The following CLIC5 variants were observed in gnomAD, a reference collection of about 807,000 sequenced individuals.
CLIC5 encodes the protein chloride intracellular channel protein 5.
In CLIC5, 20 loss-of-function variants were observed where a neutral mutation model predicts 24.7. That is an observed-to-expected ratio of 0.81 (90% CI 0.57 to 1.18). CLIC5 has a LOEUF of 1.18. Ranked by LOEUF, CLIC5 falls within the 50% of genes most tolerant of loss-of-function variation. CLIC5 has a pLI of 0.00. For synonymous variants in CLIC5, 159 were observed against 135.6 expected (o/e 1.17, Z -1.20); for missense variants, 341 against 326.1 (o/e 1.05, Z -0.35).
At chr6:46,096,938 TG>T in the CLIC5 span, among the ~76,000 whole-genome samples, 1 of 152,356 alleles carries the variant, frequency 6.6e-6, no homozygotes, top group Non-Finnish European at 1.5e-5. Flanking sequence ...AGAGATTATT[TG>T]GAAGGGCCAT....
intron 1 of CLIC5, among the ~76,000 whole-genome samples, chr6:46,066,814 G>A (rs554122594): frequency 6.6e-6 from 1 of 152,256 alleles, no homozygotes; most frequent in South Asian, 2.1e-4. Flanking sequence ...CAGGGAAAAT[G>A]AGTTCAGAAA....
At chr6:46,125,855 AT>A in the CLIC5 span, among the ~76,000 whole-genome samples, 1 of 152,148 alleles carries the variant, frequency 6.6e-6, no homozygotes, top group Admixed American at 6.5e-5. Context: ...TACTCTACCT[AT>A]TTAGCAATTG....
chr6:45,909,283 A>T (rs2127300633), intron 5 of CLIC5, among the ~76,000 whole-genome samples: 1 of 152,224 alleles, frequency 6.6e-6, no homozygotes, highest in South Asian at 2.1e-4. Flanking sequence ...TTTACATTCA[A>T]GGTTAATATT....
chr6:45,934,020 C>T (rs1044570328), intron 4 of CLIC5, among the ~76,000 whole-genome samples: 3 of 152,180 alleles, frequency 2.0e-5, no homozygotes, highest in African/African-American at 7.2e-5. Context: ...GAAACCACAG[C>T]TCCTCCGTGC....
intron 6 of CLIC5, among the ~76,000 whole-genome samples, chr6:45,882,280 A>G (rs1164788180): frequency 6.6e-6 from 1 of 152,230 alleles, no homozygotes; most frequent in African/African-American, 2.4e-5. Context: ...CACTGCATAG[A>G]AGCCACAATA....
intron 1 of CLIC5, among the ~76,000 whole-genome samples, chr6:45,964,013 C>T (rs1253216219): frequency 6.6e-6 from 1 of 152,150 alleles, no homozygotes; most frequent in Non-Finnish European, 1.5e-5. Flanking sequence ...GACTGATGGC[C>T]TTGGTATGTC....
At chr6:45,997,011 C>T (rs1242121504) in intron 1 of CLIC5, among the ~76,000 whole-genome samples, 2 of 152,072 alleles carry the variant, frequency 1.3e-5, no homozygotes, top group East Asian at 3.9e-4. Flanking sequence ...TGGGTATATA[C>T]CCAAAAGACT....
At chr6:45,952,326 T>A (rs931845070) in intron 2 of CLIC5, among the ~76,000 whole-genome samples, 1 of 152,248 alleles carries the variant, frequency 6.6e-6, no homozygotes, top group Non-Finnish European at 1.5e-5. Flanking sequence ...GTATGATTTA[T>A]GAATTATGTA....
At position 46,062,526 on chromosome 6, in the gene CLIC5, G is replaced by A. The variant is rs758510206; in HGVS notation, c.540+17177C>T. Among the ~76,000 whole-genome samples, 6 of 152,208 alleles carry A rather than the reference G, an allele frequency of 3.9e-5. No homozygotes were observed. In the South Asian group the frequency reaches 1.0e-3, roughly 26 times the overall value. On this transcript the variant is annotated intron_variant, in intron 1 of 5. Transcript: ENST00000185206. ...TGCCCTTCTGCTGACCCCCAGGCTC[G>A]TGAAGGGAGGCAGAAGGGCACTGCT... is the stretch of plus-strand genomic sequence containing the variant.
chr6:45,922,091 G>A (rs1300310453), intron 4 of CLIC5, among the ~76,000 whole-genome samples: 5 of 152,210 alleles, frequency 3.3e-5, no homozygotes, highest in African/African-American at 7.2e-5. Flanking sequence ...CTCGTGTGGC[G>A]TCAGCTGGGC....
chr6:45,949,198 T>C (rs1561956766), intron 3 of CLIC5, 58 bp downstream of exon 3: 1 of 1,568,036 alleles, frequency 6.4e-7, no homozygotes, highest in Non-Finnish European at 8.7e-7. Context: ...ACCAGGACTT[T>C]ATAGATCCAG....
At chr6:46,084,888 C>T (rs1762998584), upstream of CLIC5, among the ~76,000 whole-genome samples, 1 of 152,204 alleles carries the variant, frequency 6.6e-6, no homozygotes, top group African/African-American at 2.4e-5. Context: ...TGGTTCCATT[C>T]TCCCCGTCAC....
At chr6:46,082,416 G>A (rs910239706), upstream of CLIC5, among the ~76,000 whole-genome samples, 1 of 152,198 alleles carries the variant, frequency 6.6e-6, no homozygotes, top group Non-Finnish European at 1.5e-5. Flanking sequence ...ATATTGCTCT[G>A]TGCTCAAACC....
chr6:45,903,480 A>G (rs757883783), intron 5 of CLIC5, among the ~76,000 whole-genome samples: 9 of 152,248 alleles, frequency 5.9e-5, no homozygotes, highest in Non-Finnish European at 1.0e-4. Flanking sequence ...CTAGTGTGTC[A>G]AATTCTAGGA....
chr6:45,927,433 T>C (rs1763543611), intron 4 of CLIC5, among the ~76,000 whole-genome samples: 1 of 151,990 alleles, frequency 6.6e-6, no homozygotes, highest in Admixed American at 6.5e-5. Context: ...ACCCCCAAAA[T>C]AGGAAGGATT....
the CLIC5 span, among the ~76,000 whole-genome samples, chr6:46,088,389 C>T: frequency 1.4e-3 from 210 of 152,234 alleles, no homozygotes; most frequent in African/African-American, 4.9e-3. Flanking sequence ...CCACAAGAAA[C>T]ACACATTTAG....
chr6:45,993,741 A>G (rs1766027032), intron 1 of CLIC5, among the ~76,000 whole-genome samples: 1 of 152,224 alleles, frequency 6.6e-6, no homozygotes, highest in Non-Finnish European at 1.5e-5. Context: ...GGTAAAAACA[A>G]GGGCCACTAG....
intron 1 of CLIC5, among the ~76,000 whole-genome samples, chr6:46,055,414 T>C (rs1372426851): frequency 6.6e-6 from 1 of 152,146 alleles, no homozygotes; most frequent in African/African-American, 2.4e-5. Context: ...ATTTTTGTAC[T>C]TTTAGTAGAG....
At chr6:45,920,354 T>C (rs1246336399) in intron 4 of CLIC5, 5 of 926,262 alleles carry the variant, frequency 5.4e-6, no homozygotes, top group Non-Finnish European at 6.4e-6. Context: ...AGAAATCCAT[T>C]TGGATTTTTC....
Sources: gnomAD v4.1 joint callset for allele counts (sites outside exome capture counted in the v4.1 genomes callset) on GRCh38, gnomAD v4.1.1 for gene constraint, MANE v1.5 for transcripts, NCBI Gene and HGNC (gene_info 2026-07-23, HGNC 2026-07-21) for gene names.